The following UGGT2 variants were observed in gnomAD, a reference collection of about 807,000 sequenced individuals.
The protein encoded by UGGT2 is UDP-glucose glycoprotein glucosyltransferase 2.
In UGGT2, 180 loss-of-function variants were observed where a neutral mutation model predicts 192.1. The observed-to-expected ratio is 0.94, with a 90% CI of 0.83 to 1.06. The LOEUF is 1.06. UGGT2 is among the 50% of genes least tolerant of loss of function. The pLI, the probability that UGGT2 is intolerant of heterozygous loss-of-function variation, is 0.00. For missense variants in UGGT2, 1,849 were observed against 1,795.7 expected (o/e 1.03, Z -0.54); for synonymous variants, 580 against 591.0 (o/e 0.98, Z 0.27).
intron 1 of UGGT2, among the ~76,000 whole-genome samples, chr13:96,049,099 C>A (rs1415634637): frequency 6.6e-6 from 1 of 152,152 alleles, no homozygotes; most frequent in Non-Finnish European, 1.5e-5. Context: ...ACTGGCAAAC[C>A]AAATCCAGCA....
chr13:95,933,937 G>A (rs1458279194), intron 17 of UGGT2, among the ~76,000 whole-genome samples: 1 of 152,130 alleles, frequency 6.6e-6, no homozygotes, highest in Non-Finnish European at 1.5e-5. Context: ...GCCCACCTCG[G>A]CCTCCCAAAG....
intron 29 of UGGT2, among the ~76,000 whole-genome samples, chr13:95,871,904 G>A (rs1051347377): frequency 2.0e-5 from 3 of 152,262 alleles, no homozygotes; most frequent in East Asian, 1.9e-4. Flanking sequence ...GCAAAGTTAC[G>A]GTGGACCAAC....
At chr13:95,960,364 G>A (rs529108587) in intron 12 of UGGT2, among the ~76,000 whole-genome samples, 11 of 152,288 alleles carry the variant, frequency 7.2e-5, no homozygotes, top group Non-Finnish European at 1.5e-4. Context: ...CAGGAAATAA[G>A]TGAGAAATTT....
At chr13:95,906,814 C>T (rs1360558928) in intron 20 of UGGT2, among the ~76,000 whole-genome samples, 1 of 152,150 alleles carries the variant, frequency 6.6e-6, no homozygotes, top group Non-Finnish European at 1.5e-5. Context: ...GGGGGCGTTC[C>T]AAGATGGCCG....
intron 4 of UGGT2, among the ~76,000 whole-genome samples, chr13:96,014,339 G>A (rs921386617): frequency 2.0e-5 from 3 of 152,150 alleles, no homozygotes; most frequent in Non-Finnish European, 2.9e-5. Context: ...AAAAAGGTAT[G>A]AGTAACATTC....
rs1210289111 is a variant in UGGT2 at position 95,941,299 on chromosome 13, C to T, written c.1678-1208G>A. Among the ~76,000 whole-genome samples, 5 of 152,226 alleles carry T rather than the reference C, an allele frequency of 3.3e-5. No homozygotes were observed. In the East Asian group the frequency reaches 7.7e-4, roughly 23 times the overall value. ...CTTCATATTGTGGCTAAAATGATCCCCATGTTATATTCCTCACAGTAAGAA... is the reference window on the plus strand; with the variant it reads ...CTTCATATTGTGGCTAAAATGATCCTCATGTTATATTCCTCACAGTAAGAA... On this transcript the variant is annotated intron_variant, in intron 15 of 38. Coordinates refer to ENST00000376747, the MANE Select transcript of UGGT2 (RefSeq NM_020121.4).
At chr13:96,037,030 C>T (rs765688965) in intron 1 of UGGT2, among the ~76,000 whole-genome samples, 1 of 152,154 alleles carries the variant, frequency 6.6e-6, no homozygotes, top group African/African-American at 2.4e-5. Flanking sequence ...AAAAATTCTA[C>T]CCAGAGAAAA....
intron 12 of UGGT2, among the ~76,000 whole-genome samples, chr13:95,966,305 T>C (rs998703839): frequency 2.6e-5 from 4 of 152,048 alleles, no homozygotes; most frequent in Non-Finnish European, 4.4e-5. Context: ...AAGACCAATA[T>C]CCTGTGTTCT....
intron 20 of UGGT2, among the ~76,000 whole-genome samples, chr13:95,915,550 T>C (rs987415160): frequency 5.9e-5 from 9 of 152,212 alleles, no homozygotes; most frequent in Non-Finnish European, 8.8e-5. Flanking sequence ...GAAAAGGACA[T>C]ACTTATTTAG....
chr13:96,044,869 T>C (rs1290947946), intron 1 of UGGT2, among the ~76,000 whole-genome samples: 2 of 151,944 alleles, frequency 1.3e-5, no homozygotes, highest in African/African-American at 2.4e-5. Flanking sequence ...ATTGTCAACA[T>C]AAAAACGTCC....
At chr13:95,887,660 T>C (rs1016773269) in intron 26 of UGGT2, among the ~76,000 whole-genome samples, 11 of 152,168 alleles carry the variant, frequency 7.2e-5, no homozygotes, top group Non-Finnish European at 1.3e-4. Flanking sequence ...TGAATAAATA[T>C]AAATCCATGT....
At chr13:95,972,497 A>C in intron 11 of UGGT2, 83 bp downstream of exon 11, 1 of 1,211,066 alleles carries the variant, frequency 8.3e-7, no homozygotes, top group Non-Finnish European at 1.2e-6. Context: ...AGTGATCTTC[A>C]TATTTTGACT....
At chr13:95,914,572 CGAGACCACTCTGGCCA>C (rs2048617472) in intron 20 of UGGT2, among the ~76,000 whole-genome samples, 1 of 128,688 alleles carries the variant, frequency 7.8e-6, no homozygotes, top group South Asian at 2.6e-4. Flanking sequence ...GTGAGGAGTT[CGAGACCACTCTGGCCA>C]TTATGGTGAA....
At chr13:96,021,779 A>G (rs1441154618) in intron 4 of UGGT2, among the ~76,000 whole-genome samples, 1 of 152,236 alleles carries the variant, frequency 6.6e-6, no homozygotes, top group East Asian at 1.9e-4. Flanking sequence ...TAATTGATAA[A>G]ATAAAGCAAT....
intron 38 of UGGT2, 65 bp from the exon 39 acceptor site, chr13:95,801,877 T>A: frequency 6.3e-7 from 1 of 1,585,756 alleles, no homozygotes; most frequent in Non-Finnish European, 8.6e-7. Context: ...TAAATATTAC[T>A]TACATATGAT....
intron 4 of UGGT2, among the ~76,000 whole-genome samples, chr13:96,015,845 T>C (rs1001589408): frequency 1.3e-5 from 2 of 152,206 alleles, no homozygotes; most frequent in African/African-American, 4.8e-5. Context: ...AAACTACCTA[T>C]ATATACACCG....
At chr13:96,035,638 G>A (rs1458302682) in intron 1 of UGGT2, among the ~76,000 whole-genome samples, 2 of 149,458 alleles carry the variant, frequency 1.3e-5, no homozygotes, top group Admixed American at 1.3e-4. Flanking sequence ...CAGAATGGGA[G>A]AAAATTTCTG....
At chr13:95,983,457 T>A (rs547075146) in intron 10 of UGGT2, 5 of 372,958 alleles carry the variant, frequency 1.3e-5, no homozygotes, top group Non-Finnish European at 2.6e-5. Flanking sequence ...ATTCTACCGT[T>A]CCAGTGGTCT....
intron 29 of UGGT2, among the ~76,000 whole-genome samples, chr13:95,874,622 C>T (rs979012875): frequency 2.6e-5 from 4 of 152,128 alleles, no homozygotes; most frequent in Admixed American, 1.3e-4. Flanking sequence ...TAACCATGGG[C>T]GACTGAAACC....
Sources: gnomAD v4.1 joint callset for allele counts (sites outside exome capture counted in the v4.1 genomes callset) on GRCh38, gnomAD v4.1.1 for gene constraint, MANE v1.5 for transcripts, NCBI Gene and HGNC (gene_info 2026-07-23, HGNC 2026-07-21) for gene names.